Variants in PLA2G4A observed in about 807,000 individuals in gnomAD.
PLA2G4A encodes the protein phospholipase A2 group IVA.
Under a neutral mutation model 81.9 loss-of-function variants are expected in PLA2G4A, and 40 were observed. That is an observed-to-expected ratio of 0.49 (90% CI 0.38 to 0.64). PLA2G4A has a LOEUF of 0.64. Among genes scored for constraint, PLA2G4A ranks in the 30% least tolerant of loss-of-function variants. The pLI, the probability that PLA2G4A is intolerant of heterozygous loss-of-function variation, is 0.00. For missense variants in PLA2G4A, 715 were observed against 905.1 expected (o/e 0.79, Z 2.69); for synonymous variants, 302 against 296.9 (o/e 1.02, Z -0.18).
chr1:186,857,547 A>G (rs947567963), intron 2 of PLA2G4A, among the ~76,000 whole-genome samples: 1 of 142,508 alleles, frequency 7.0e-6, no homozygotes, highest in African/African-American at 2.6e-5. Flanking sequence ...TAATATGAAT[A>G]TATAATATAA....
At chr1:186,983,842 A>G (rs1286733072) in intron 17 of PLA2G4A, among the ~76,000 whole-genome samples, 1 of 152,104 alleles carries the variant, frequency 6.6e-6, no homozygotes, top group Non-Finnish European at 1.5e-5. Context: ...GCTGGGTGAC[A>G]TTGGGCATAT....
chr1:186,980,957 G>A (rs908156643), intron 17 of PLA2G4A, among the ~76,000 whole-genome samples: 3 of 151,912 alleles, frequency 2.0e-5, no homozygotes, highest in African/African-American at 7.3e-5. Context: ...TTCAAGCAGT[G>A]GACATCTGAA....
intron 3 of PLA2G4A, among the ~76,000 whole-genome samples, chr1:186,885,784 T>C (rs1053063067): frequency 2.6e-5 from 4 of 152,154 alleles, no homozygotes; most frequent in Admixed American, 6.6e-5. Flanking sequence ...TAGATGGTTT[T>C]ACTGTAGTTT....
At chr1:186,894,025 G>T in intron 4 of PLA2G4A, 73 bp from the exon 5 acceptor site, 3 of 758,444 alleles carry the variant, frequency 4.0e-6, no homozygotes, top group South Asian at 1.4e-5. Context: ...TTTAAATGTG[G>T]TGGAAATTAT....
At chr1:186,945,733 T>C (rs963306560) in intron 10 of PLA2G4A, among the ~76,000 whole-genome samples, 2 of 152,030 alleles carry the variant, frequency 1.3e-5, no homozygotes, top group Non-Finnish European at 2.9e-5. Context: ...ATGAAGGAGT[T>C]GCAAATGTAG....
chr1:186,912,787 T>TATATATATGTATATATATATATAC lies in PLA2G4A; in HGVS notation c.558+1411_558+1434dup, dbSNP rs1173463068. 6.0e-5 allele frequency among the ~76,000 whole-genome samples: 6 copies of TATATATATGTATATATATATATAC among 100,206 alleles called. No individual in the cohort carries two copies. In the East Asian group the frequency reaches 1.2e-3, roughly 21 times the overall value. 65.7% of individuals were successfully genotyped at this position (100,206 alleles called of 152,430 possible). A position where few individuals can be genotyped will look rare whatever the true frequency, so the allele number is the denominator to read the frequency against. ...ATAAGTATATATATATGTATACTTA[T>TATATATATGTATATATATATATAC]ATATATATGTATATATATATATACA... On this transcript the variant is annotated intron_variant, in intron 7 of 17. Coordinates refer to ENST00000367466, the MANE Select transcript of PLA2G4A (RefSeq NM_024420.3).
At chr1:186,939,513 A>T (rs1172634599) in intron 9 of PLA2G4A, among the ~76,000 whole-genome samples, 2 of 137,400 alleles carry the variant, frequency 1.5e-5, no homozygotes, top group Middle Eastern at 3.5e-3. Flanking sequence ...AAAAAAAAAA[A>T]TTCACATTTT....
chr1:186,981,805 G>C (rs1470278402), intron 17 of PLA2G4A, among the ~76,000 whole-genome samples: 1 of 152,088 alleles, frequency 6.6e-6, no homozygotes, highest in African/African-American at 2.4e-5. Context: ...TAATATGAAA[G>C]TGAAAAGGAC....
At chr1:186,829,449 T>C (rs1558337298) in intron 1 of PLA2G4A, among the ~76,000 whole-genome samples, 1 of 152,236 alleles carries the variant, frequency 6.6e-6, no homozygotes, top group Admixed American at 6.5e-5. Flanking sequence ...CGAGAGACTT[T>C]GTTGACTCAC....
intron 17 of PLA2G4A, among the ~76,000 whole-genome samples, chr1:186,988,089 T>C (rs984414482): frequency 6.6e-6 from 1 of 152,190 alleles, no homozygotes; most frequent in Non-Finnish European, 1.5e-5. Flanking sequence ...CCAACATAAT[T>C]TTACCATGCT....
At chr1:186,858,187 C>A (rs965900126) in intron 2 of PLA2G4A, among the ~76,000 whole-genome samples, 27 of 152,166 alleles carry the variant, frequency 1.8e-4, no homozygotes, top group African/African-American at 5.8e-4. Flanking sequence ...GCCACACTGT[C>A]TTCCACAATG....
intron 14 of PLA2G4A, among the ~76,000 whole-genome samples, chr1:186,960,567 A>G (rs1656908826): frequency 6.6e-6 from 1 of 152,150 alleles, no homozygotes; most frequent in African/African-American, 2.4e-5. Context: ...TAAATTTGGG[A>G]ACATTTACAA....
At chr1:186,913,093 T>C (rs1430132355) in intron 7 of PLA2G4A, among the ~76,000 whole-genome samples, 1 of 151,106 alleles carries the variant, frequency 6.6e-6, no homozygotes, top group African/African-American at 2.4e-5. Flanking sequence ...AAATTCTTTA[T>C]ATTTTGTAGT....
At chr1:186,889,105 G>T (rs1169380826) in intron 3 of PLA2G4A, among the ~76,000 whole-genome samples, 1 of 152,120 alleles carries the variant, frequency 6.6e-6, no homozygotes, top group Non-Finnish European at 1.5e-5. Context: ...ATGTGATAAT[G>T]TTACCCTATG....
chr1:186,866,992 A>T (rs542296798), intron 2 of PLA2G4A, among the ~76,000 whole-genome samples: 1 of 152,232 alleles, frequency 6.6e-6, no homozygotes, highest in South Asian at 2.1e-4. Context: ...TTTGTCAAAG[A>T]TCAGTTGACT....
intron 1 of PLA2G4A, among the ~76,000 whole-genome samples, chr1:186,840,106 G>A (rs1486581566): frequency 1.3e-5 from 2 of 150,662 alleles, no homozygotes; most frequent in African/African-American, 4.9e-5. Flanking sequence ...AATCCCCTGA[G>A]TAGGTGGGAT....
chr1:186,952,635 T>C (rs1656599691), intron 13 of PLA2G4A, among the ~76,000 whole-genome samples: 1 of 152,208 alleles, frequency 6.6e-6, no homozygotes, highest in Non-Finnish European at 1.5e-5. Context: ...TTGACAAATA[T>C]GTAATGACAT....
In PLA2G4A at chr1:186,988,553, TG is replaced by T; in HGVS notation, c.*46del. ...AGCAGTTTCTGATGCTGAGGCAGTT[TG>T]CAATCCCATGACAACTGGATTTAAA... On this transcript the variant is annotated 3_prime_UTR_variant, in exon 18 of 18. Transcript: ENST00000367466. 6.4e-7 allele frequency: 1 copy of T among 1,562,236 alleles called. No homozygotes were observed. The highest frequency in any genetic ancestry group is 8.8e-7 in the Non-Finnish European group (1 of 1,136,586).
chr1:186,955,807 C>T (rs1366670745), intron 13 of PLA2G4A, among the ~76,000 whole-genome samples: 2 of 138,014 alleles, frequency 1.4e-5, no homozygotes, highest in Non-Finnish European at 3.0e-5. Context: ...AATATCGGCT[C>T]ACTGCAACCT....
Sources: gnomAD v4.1 joint callset for allele counts (sites outside exome capture counted in the v4.1 genomes callset) on GRCh38, gnomAD v4.1.1 for gene constraint, MANE v1.5 for transcripts, NCBI Gene and HGNC (gene_info 2026-07-23, HGNC 2026-07-21) for gene names.